Variants in PCDH9 observed in about 807,000 individuals in gnomAD.
The protein encoded by PCDH9 is protocadherin-9.
Under a neutral mutation model 70.6 loss-of-function variants are expected in PCDH9, and 24 were observed. The observed-to-expected ratio is 0.34, with a 90% CI of 0.25 to 0.48. The LOEUF (loss-of-function observed/expected upper bound fraction) is 0.48, where lower values mean the gene tolerates loss of function less well. Among genes scored for constraint, PCDH9 ranks in the 20% least tolerant of loss-of-function variants. PCDH9 has a pLI of 0.99. For synonymous variants in PCDH9, 562 were observed against 558.5 expected (o/e 1.01, Z -0.09); for missense variants, 1,281 against 1,503.6 (o/e 0.85, Z 2.45).
intron 2 of PCDH9, among the ~76,000 whole-genome samples, chr13:66,909,221 C>T (rs2082415815): frequency 6.6e-6 from 1 of 151,696 alleles, no homozygotes; most frequent in African/African-American, 2.4e-5. Flanking sequence ...ACAAAAAAGA[C>T]TTATGAATAT....
At chr13:66,429,430 G>GTTTTTTTT (rs5804281) in intron 4 of PCDH9, among the ~76,000 whole-genome samples, 1 of 144,972 alleles carries the variant, frequency 6.9e-6, no homozygotes, top group African/African-American at 2.5e-5. Flanking sequence ...TATTTTTTCT[G>GTTTTTTTT]TTTTTTTTTT....
chr13:66,692,712 T>C (rs959965456), intron 3 of PCDH9, among the ~76,000 whole-genome samples: 5 of 152,072 alleles, frequency 3.3e-5, no homozygotes, highest in African/African-American at 1.2e-4. Flanking sequence ...ATTACAATTA[T>C]ATTTAGATTA....
chr13:66,316,115 C>T (rs983984754), intron 4 of PCDH9, among the ~76,000 whole-genome samples: 2 of 152,140 alleles, frequency 1.3e-5, no homozygotes, highest in Non-Finnish European at 2.9e-5. Flanking sequence ...ACACATCATT[C>T]TAACCTCTGC....
At chr13:66,771,112 C>T (rs989374195) in intron 3 of PCDH9, among the ~76,000 whole-genome samples, 4 of 152,038 alleles carry the variant, frequency 2.6e-5, no homozygotes, top group African/African-American at 9.7e-5. Context: ...TGCTAAGTTG[C>T]CCAGTCTTGA....
chr13:67,087,592 T>C (rs2086134076), intron 2 of PCDH9, among the ~76,000 whole-genome samples: 1 of 152,100 alleles, frequency 6.6e-6, no homozygotes. Context: ...AGCTGTAAAA[T>C]ATCCTCCCTC....
intron 3 of PCDH9, among the ~76,000 whole-genome samples, chr13:66,711,689 T>C (rs2078796483): frequency 6.6e-6 from 1 of 152,182 alleles, no homozygotes; most frequent in Non-Finnish European, 1.5e-5. Flanking sequence ...ACTTTCGAAA[T>C]ATACTCATTT....
intron 4 of PCDH9, among the ~76,000 whole-genome samples, chr13:66,582,778 A>G (rs1211155234): frequency 6.6e-6 from 1 of 152,202 alleles, no homozygotes; most frequent in Non-Finnish European, 1.5e-5. Flanking sequence ...TAATTACTTT[A>G]GATTATATTT....
At chr13:67,052,775 G>C (rs2085346776) in intron 2 of PCDH9, among the ~76,000 whole-genome samples, 1 of 152,164 alleles carries the variant, frequency 6.6e-6, no homozygotes, top group South Asian at 2.1e-4. Context: ...CGATTTATTC[G>C]ACGGTGGAGG....
At chr13:66,840,732 G>A (rs1201858693) in intron 3 of PCDH9, among the ~76,000 whole-genome samples, 1 of 152,188 alleles carries the variant, frequency 6.6e-6, no homozygotes. Flanking sequence ...GAGTATTTCT[G>A]TTGTACATCT....
chr13:66,861,137 T>G (rs1457137748), intron 3 of PCDH9, among the ~76,000 whole-genome samples: 2 of 152,200 alleles, frequency 1.3e-5, no homozygotes, highest in Non-Finnish European at 2.9e-5. Flanking sequence ...AGGTGAGATA[T>G]GGGGTGGTGT....
chr13:66,905,773 G>A (rs550227372), intron 2 of PCDH9, among the ~76,000 whole-genome samples: 2 of 152,126 alleles, frequency 1.3e-5, no homozygotes, highest in East Asian at 1.9e-4. Flanking sequence ...TATCTACAAG[G>A]AACCTCTGTA....
chr13:66,871,132 G>A (rs867056741), intron 3 of PCDH9, among the ~76,000 whole-genome samples: 18 of 150,888 alleles, frequency 1.2e-4, no homozygotes, highest in East Asian at 5.9e-4. Context: ...GTAAACTATC[G>A]CAAGAACAAA....
At chr13:66,360,674 G>A (rs1200223026) in intron 4 of PCDH9, among the ~76,000 whole-genome samples, 1 of 152,032 alleles carries the variant, frequency 6.6e-6, no homozygotes. Flanking sequence ...ATAGTATTAG[G>A]CTCTCTGAAA....
chr13:66,965,963 C>T (rs1183995825), intron 2 of PCDH9, among the ~76,000 whole-genome samples: 1 of 152,052 alleles, frequency 6.6e-6, no homozygotes, highest in Admixed American at 6.6e-5. Context: ...GAATACTTTA[C>T]ATTTTCAAGA....
chr13:66,380,906 T>C (rs1956837203), intron 4 of PCDH9, among the ~76,000 whole-genome samples: 1 of 152,144 alleles, frequency 6.6e-6, no homozygotes, highest in Non-Finnish European at 1.5e-5. Context: ...TATGATGTAA[T>C]CTGTTTTTTT....
intron 2 of PCDH9, chr13:67,220,713 G>T (rs1392283316): frequency 6.6e-6 from 1 of 151,876 alleles, no homozygotes; most frequent in African/African-American, 2.4e-5. Flanking sequence ...TAAGAGAATA[G>T]AATATTGTCA....
chr13:67,169,959 G>A (rs568167843), intron 2 of PCDH9, among the ~76,000 whole-genome samples: 45 of 152,090 alleles, frequency 3.0e-4, no homozygotes, highest in Admixed American at 1.0e-3. Context: ...AGTTAGGTAC[G>A]TCTCTATATG....
intron 2 of PCDH9, chr13:67,206,458 G>C (rs75615206): frequency 6.6e-6 from 1 of 151,984 alleles, no homozygotes; most frequent in Admixed American, 6.6e-5. Context: ...ACGCCCGGCT[G>C]ATACTGTTAA....
chr13:66,981,128 T>C (rs1258088824), intron 2 of PCDH9, among the ~76,000 whole-genome samples: 3 of 152,028 alleles, frequency 2.0e-5, no homozygotes, highest in African/African-American at 4.8e-5. Flanking sequence ...TATAATAAAA[T>C]AAGACTAAGC....
Sources: allele counts gnomAD v4.1 joint callset (sites outside exome capture counted in the v4.1 genomes callset), GRCh38; gene constraint gnomAD v4.1.1; transcripts MANE v1.5; gene names NCBI Gene and HGNC (gene_info 2026-07-23, HGNC 2026-07-21).